Variants in CRISP2 observed in about 807,000 individuals in gnomAD.
CRISP2 encodes cysteine-rich secretory protein 2.
A neutral mutation model predicts 31.7 loss-of-function variants in CRISP2; 29 were observed. The ratio of observed to expected loss-of-function variants is 0.92; its 90% CI spans 0.68 to 1.25. The LOEUF (loss-of-function observed/expected upper bound fraction) is 1.25, where lower values mean the gene tolerates loss of function less well. CRISP2 is among the 50% of genes most tolerant of loss of function. The pLI is 0.00. For missense variants in CRISP2, 318 were observed against 286.5 expected, an observed-to-expected ratio of 1.11 and a Z score of -0.79; for synonymous variants, 111 against 101.4, an observed-to-expected ratio of 1.09 and a Z score of -0.57.
In CRISP2 at chr6:49,698,434, A is replaced by T. The variant is rs765126722; in HGVS notation, c.345T>A (p.Tyr115Ter). 1 of 1,613,552 alleles carries T rather than the reference A, an allele frequency of 6.2e-7. No homozygotes were observed. Among genetic ancestry groups the T allele is most frequent in the Non-Finnish European group, 8.5e-7 (1 of 1,179,656 alleles). The part of the protein sequence containing the change: ...TSWSSAIQSW[Y>*]DEILDFVYGV... ...CATAGACAAAATCTAGGATCTCGTCATACCAGCTTTGGATTGCAGAAGACC... is the reference window on the plus strand; with the variant it reads ...CATAGACAAAATCTAGGATCTCGTCTTACCAGCTTTGGATTGCAGAAGACC... The change falls in exon 7 of 10, where the codon TAT becomes TAA. Residue 115 changes from tyrosine (Y) to a stop codon, truncating the protein, a stop_gained. Transcript: ENST00000339139. LOFTEE classifies it high-confidence loss of function.
chr6:49,683,103 AGCTGAGATCAC>A, the CRISP2 span, among the ~76,000 whole-genome samples: 3 of 151,822 alleles, frequency 2.0e-5, no homozygotes, highest in Non-Finnish European at 2.9e-5. Context: ...GGTTGTAGAG[AGCTGAGATCAC>A]GCCATTGCAC....
At chr6:49,683,694 A>AATATATATAT in the CRISP2 span, among the ~76,000 whole-genome samples, 232 of 6,166 alleles carry the variant, frequency 0.038, 27 homozygotes, top group Middle Eastern at 0.25. Context: ...AAAAAAAAAA[A>AATATATATAT]ATATATATAT....
At chr6:49,694,970 G>C (rs780621334) in intron 9 of CRISP2, among the ~76,000 whole-genome samples, 11 of 151,892 alleles carry the variant, frequency 7.2e-5, no homozygotes, top group Non-Finnish European at 1.2e-4. Context: ...CTGACCTTGT[G>C]ATCCGCCCAC....
chr6:49,707,437 A>C (rs1364115095), intron 4 of CRISP2, among the ~76,000 whole-genome samples: 2 of 152,174 alleles, frequency 1.3e-5, no homozygotes, highest in Non-Finnish European at 2.9e-5. Flanking sequence ...TTTATAGAGC[A>C]TCTGATTTCA....
At chr6:49,686,068 G>A in the CRISP2 span, among the ~76,000 whole-genome samples, 1 of 152,112 alleles carries the variant, frequency 6.6e-6, no homozygotes, top group South Asian at 2.1e-4. Context: ...TTGCAAAAAT[G>A]TGAAGCCATA....
chr6:49,700,733 T>C lies in CRISP2; in HGVS notation c.118A>G (p.Ile40Val). 1 of 1,612,746 alleles carries C rather than the reference T, an allele frequency of 6.2e-7. No individual in the cohort carries two copies. The highest frequency in any genetic ancestry group is 8.5e-7 in the Non-Finnish European group (1 of 1,179,228). ...CTTAGTTCATTGTGTTTATTTACAA[T>C]CTCCCTTTGCACTTGCAACTGGGTG... Reference protein sequence around the residue: ...LTTQLQVQREIVNKHNELRKA... With the variant: ...LTTQLQVQREVVNKHNELRKA... Residue 40 changes from isoleucine (I) to valine (V), a missense_variant, in exon 5 of 10, where the codon ATT (isoleucine) becomes GTT (valine). Ile to Val is a conservative substitution (Grantham distance 29). Coordinates refer to ENST00000339139, the MANE Select transcript of CRISP2 (RefSeq NM_003296.4).
chr6:49,688,932 C>T (rs1477753156), downstream of CRISP2, among the ~76,000 whole-genome samples: 1 of 151,748 alleles, frequency 6.6e-6, no homozygotes, highest in African/African-American at 2.4e-5. Context: ...GCAATGGCGC[C>T]GTCTCAGCTC....
intron 3 of CRISP2, among the ~76,000 whole-genome samples, chr6:49,710,250 T>C (rs931365658): frequency 1.3e-5 from 2 of 152,236 alleles, no homozygotes; most frequent in Admixed American, 1.3e-4. Context: ...TGAACAATTA[T>C]TGACGGTTCA....
In CRISP2 at chr6:49,697,901, T is replaced by C; in HGVS notation, c.474A>G (p.Gln158=). 6.2e-7 allele frequency: 1 copy of C among 1,612,152 alleles called. No homozygotes were observed. Among genetic ancestry groups the C allele is most frequent in the Non-Finnish European group, 8.5e-7 (1 of 1,179,032 alleles). The change falls in exon 8 of 10, where the codon CAA becomes CAG. Residue 158 remains glutamine, a synonymous_variant. Transcript: ENST00000339139. ...VGCGIAYCPN[Q]DSLKYYYVCQ... Reference sequence around the variant, plus strand: ...AAACATAGTAGTATTTTAGACTATCTTGATTGGGACAGTAGGCAATTCCAC... The same window carrying C: ...AAACATAGTAGTATTTTAGACTATCCTGATTGGGACAGTAGGCAATTCCAC...
chr6:49,685,523 T>C, the CRISP2 span, among the ~76,000 whole-genome samples: 1 of 152,192 alleles, frequency 6.6e-6, no homozygotes, highest in South Asian at 2.1e-4. Context: ...TTCTCCTTTC[T>C]CATATGTTTA....
At chr6:49,678,428 T>C in the CRISP2 span, among the ~76,000 whole-genome samples, 41 of 152,248 alleles carry the variant, frequency 2.7e-4, no homozygotes, top group Admixed American at 2.2e-3. Flanking sequence ...GGTTTTTCTA[T>C]AAAACTTGGG....
chr6:49,703,007 T>C (rs528191666), intron 4 of CRISP2, among the ~76,000 whole-genome samples: 7 of 152,214 alleles, frequency 4.6e-5, no homozygotes, highest in African/African-American at 1.7e-4. Flanking sequence ...AGGTGAGAGA[T>C]AAAGATTCAG....
chr6:49,682,631 CTTTCTTTCTTTCTTCTTTCTTTCT>C, the CRISP2 span, among the ~76,000 whole-genome samples: 269 of 93,452 alleles, frequency 2.9e-3, 1 homozygote, highest in Middle Eastern at 5.2e-3. Flanking sequence ...TTCTTTCTTT[CTTTCTTTCTTTCTTCTTTCTTTCT>C]TTTCTTTCTT....
intron 9 of CRISP2, 59 bp from the exon 10 acceptor site, chr6:49,692,959 T>C: frequency 6.3e-7 from 1 of 1,586,030 alleles, no homozygotes; most frequent in Non-Finnish European, 8.6e-7. Flanking sequence ...AGCAAAACCA[T>C]ACATTCAAAG....
the CRISP2 span, among the ~76,000 whole-genome samples, chr6:49,686,874 T>TA: frequency 2.6e-5 from 4 of 152,114 alleles, no homozygotes; most frequent in African/African-American, 9.7e-5. Context: ...TATGCAGCCA[T>TA]AAAAAATGAT....
chr6:49,684,113 A>C, the CRISP2 span, among the ~76,000 whole-genome samples: 1 of 152,092 alleles, frequency 6.6e-6, no homozygotes, highest in Non-Finnish European at 1.5e-5. Flanking sequence ...AGAGAAAGGA[A>C]TATTGGGAGG....
chr6:49,678,421 T>A, the CRISP2 span, among the ~76,000 whole-genome samples: 1 of 152,116 alleles, frequency 6.6e-6, no homozygotes, highest in Non-Finnish European at 1.5e-5. Flanking sequence ...AGTGTATGGT[T>A]TTTCTATAAA....
the CRISP2 span, among the ~76,000 whole-genome samples, chr6:49,681,095 T>G: frequency 6.6e-6 from 1 of 152,242 alleles, no homozygotes; most frequent in South Asian, 2.1e-4. Context: ...TGGTATTTCC[T>G]AAGTTGTCTT....
chr6:49,711,436 TA>T (rs1341635007), intron 2 of CRISP2, 115 bp from the exon 3 acceptor site: 3 of 152,242 alleles, frequency 2.0e-5, no homozygotes, highest in Non-Finnish European at 4.4e-5. Context: ...TCTGAAGTAG[TA>T]TTTTTCATAC....
Sources: allele counts gnomAD v4.1 joint callset (sites outside exome capture counted in the v4.1 genomes callset), GRCh38; gene constraint gnomAD v4.1.1; transcripts MANE v1.5; gene names NCBI Gene and HGNC (gene_info 2026-07-23, HGNC 2026-07-21).